Variants in PTPRZ1 observed in about 807,000 individuals in gnomAD.
The protein encoded by PTPRZ1 is receptor-type tyrosine-protein phosphatase zeta.
A neutral mutation model predicts 214.1 loss-of-function variants in PTPRZ1; 82 were observed. That is an observed-to-expected ratio of 0.38 (90% CI 0.32 to 0.46). The LOEUF is 0.46. Among genes scored for constraint, PTPRZ1 ranks in the 20% least tolerant of loss-of-function variants. The pLI, the probability that PTPRZ1 is intolerant of heterozygous loss-of-function variation, is 1.00. For missense variants in PTPRZ1, 2,603 were observed against 2,748.7 expected (o/e 0.95, Z 1.19); for synonymous variants, 945 against 987.9 (o/e 0.96, Z 0.81).
intron 12 of PTPRZ1, among the ~76,000 whole-genome samples, chr7:122,015,425 C>T (rs1054709406): frequency 3.3e-5 from 5 of 152,006 alleles, no homozygotes; most frequent in African/African-American, 1.2e-4. Context: ...AAAGTTTGTA[C>T]ATTTTGATAG....
At chr7:121,944,938 G>A (rs533811059) in intron 2 of PTPRZ1, among the ~76,000 whole-genome samples, 4 of 152,162 alleles carry the variant, frequency 2.6e-5, no homozygotes, top group South Asian at 2.1e-4. Context: ...CACCATACCC[G>A]GCCCAGATTA....
At chr7:121,925,370 T>TAA (rs1795723075) in intron 1 of PTPRZ1, among the ~76,000 whole-genome samples, 1 of 152,204 alleles carries the variant, frequency 6.6e-6, no homozygotes, top group African/African-American at 2.4e-5. Context: ...ATTGTGAGCC[T>TAA]AAGATTTCAT....
Position 122,012,287 on chromosome 7 carries a change from T to G in PTPRZ1, c.3241T>G (p.Leu1081Val). ...CAACATGTATGATAATGTAAATAAG[T>G]TGAATGCGTCTTTACAAGAAACCTC... is the stretch of plus-strand genomic sequence containing the variant. Reference protein sequence around the residue: ...MPNMYDNVNKLNASLQETSVS... With the variant: ...MPNMYDNVNKVNASLQETSVS... The change falls in exon 12 of 30, where the codon TTG (leucine) becomes GTG (valine). Residue 1081 changes from leucine to valine, a missense_variant. By Grantham distance (32) the Leu-to-Val change is conservative. This residue lies in a region of PTPRZ1 where 1,913 missense variants were observed against 1,914.3 expected (regional missense o/e 1.00). Transcript: ENST00000393386. 2.5e-6 allele frequency: 4 copies of G among 1,614,182 alleles called. No homozygotes were observed. The highest frequency in any genetic ancestry group is 3.4e-6 in the Non-Finnish European group (4 of 1,180,022).
rs56259188 is a variant in PTPRZ1 at position 122,009,457 on chromosome 7, TAA to T, written c.1288-862_1288-861del. ...TGACAAAATCATGTCCCACATGAAC[TAA>T]AAAAAAAAAAAAAACTTGATAACTT... On this transcript the variant is annotated intron_variant, in intron 11 of 29. Coordinates refer to ENST00000393386, the MANE Select transcript of PTPRZ1 (RefSeq NM_002851.3). Among the ~76,000 whole-genome samples the T allele has an allele frequency of 4.1e-3, 578 of 141,942 alleles. 3 individuals carry two copies. Among genetic ancestry groups the T allele is most frequent in the Middle Eastern group, 0.014 (4 of 278 alleles). 93.1% of individuals were successfully genotyped at this position (141,942 alleles called of 152,430 possible).
At chr7:121,902,257 A>G (rs554110382) in intron 1 of PTPRZ1, among the ~76,000 whole-genome samples, 4 of 152,324 alleles carry the variant, frequency 2.6e-5, no homozygotes, top group African/African-American at 9.6e-5. Context: ...CCATTGATGG[A>G]CACTTAGATT....
intron 1 of PTPRZ1, chr7:121,908,414 TTTTCTC>T (rs1306297238): frequency 5.2e-6 from 2 of 381,648 alleles, no homozygotes; most frequent in African/African-American, 4.3e-5. Context: ...TTATCCTATT[TTTTCTC>T]TTTCTTTTAA....
At chr7:121,928,097 T>C in intron 1 of PTPRZ1, 59 bp from the exon 2 acceptor site, 2 of 1,256,302 alleles carry the variant, frequency 1.6e-6, no homozygotes, top group East Asian at 2.3e-5. Context: ...TTTGGGCATC[T>C]TTTATTTTTG....
intron 2 of PTPRZ1, among the ~76,000 whole-genome samples, chr7:121,950,139 G>A (rs1314449350): frequency 1.3e-5 from 2 of 152,096 alleles, no homozygotes; most frequent in Admixed American, 1.3e-4. Context: ...GATGGTGGCA[G>A]GCAAAAAATG....
chr7:121,892,342 C>T lies in PTPRZ1; in HGVS notation c.58+18785C>T, dbSNP rs368710149. The stretch of plus-strand genomic sequence containing the variant: ...GCATTTAGTGTTACTGAGAAAAGAA[C>T]GGAAAGTTCCACCTCAAGGTCACTT... On this transcript the variant is annotated intron_variant, in intron 1 of 29. Coordinates refer to ENST00000393386, the MANE Select transcript of PTPRZ1 (RefSeq NM_002851.3). Among the ~76,000 whole-genome samples, 32 of 151,924 alleles carry T rather than the reference C, an allele frequency of 2.1e-4. 1 individual carries two copies. Among genetic ancestry groups the T allele is most frequent in the Middle Eastern group, 6.8e-3 (2 of 294 alleles).
chr7:121,953,209 T>C (rs997756661), intron 2 of PTPRZ1, among the ~76,000 whole-genome samples: 2 of 152,232 alleles, frequency 1.3e-5, no homozygotes, highest in Non-Finnish European at 2.9e-5. Context: ...GGTATTAATT[T>C]TTCATCTATT....
At chr7:121,988,890 A>ATTATT in intron 8 of PTPRZ1, among the ~76,000 whole-genome samples, 1 of 152,212 alleles carries the variant, frequency 6.6e-6, no homozygotes, top group Admixed American at 6.5e-5. Flanking sequence ...AGAATACAGT[A>ATTATT]CAGTAGGATT....
chr7:121,875,366 A>C (rs1437179218), intron 1 of PTPRZ1, among the ~76,000 whole-genome samples: 1 of 152,218 alleles, frequency 6.6e-6, no homozygotes, highest in African/African-American at 2.4e-5. Context: ...TCCATGTTAT[A>C]GTATGTATAA....
intron 2 of PTPRZ1, among the ~76,000 whole-genome samples, chr7:121,960,229 T>G (rs1796834993): frequency 6.6e-6 from 1 of 152,070 alleles, no homozygotes. Context: ...TTAGTACAGA[T>G]GGGGTTTCAC....
chr7:121,921,119 A>G (rs1253900169), intron 1 of PTPRZ1, among the ~76,000 whole-genome samples: 1 of 152,004 alleles, frequency 6.6e-6, no homozygotes, highest in Non-Finnish European at 1.5e-5. Context: ...ATTATGTCAT[A>G]AAGATCAAAA....
chr7:121,891,848 T>C (rs1479799403), intron 1 of PTPRZ1, among the ~76,000 whole-genome samples: 1 of 152,134 alleles, frequency 6.6e-6, no homozygotes, highest in African/African-American at 2.4e-5. Flanking sequence ...TTTTCTGTCA[T>C]TGTCAAAAGT....
chr7:121,974,575 C>T lies in PTPRZ1; in HGVS notation c.457-1598C>T, dbSNP rs574233042. On this transcript the variant is annotated intron_variant, in intron 4 of 29. Transcript: ENST00000393386. ...TGATCTCGGCTCACTGCAACCTCCA[C>T]CTCCTGTGTTCAAGCAATTCTCCTG... Among the ~76,000 whole-genome samples the T allele has an allele frequency of 1.6e-4, 25 of 152,322 alleles. No individual in the cohort carries two copies. The South Asian group carries it at 4.3e-3, about 26-fold the overall frequency.
intron 2 of PTPRZ1, among the ~76,000 whole-genome samples, chr7:121,956,040 G>C (rs560490848): frequency 2.0e-4 from 30 of 152,004 alleles, no homozygotes; most frequent in African/African-American, 6.5e-4. Context: ...TTAGAGATGG[G>C]GGTGGTGGGG....
At chr7:121,950,408 A>C (rs1049807659) in intron 2 of PTPRZ1, among the ~76,000 whole-genome samples, 6 of 152,210 alleles carry the variant, frequency 3.9e-5, no homozygotes, top group Non-Finnish European at 8.8e-5. Context: ...GATAATCAGA[A>C]TTCAACATAC....
chr7:121,963,741 C>A (rs2116496846), intron 2 of PTPRZ1, among the ~76,000 whole-genome samples: 1 of 152,142 alleles, frequency 6.6e-6, no homozygotes, highest in African/African-American at 2.4e-5. Context: ...AATTACAATG[C>A]AAATACTGAG....
Sources: gnomAD v4.1 joint callset for allele counts (sites outside exome capture counted in the v4.1 genomes callset) on GRCh38, gnomAD v4.1.1 for gene constraint, gnomAD v4.1.1 regional missense constraint, MANE v1.5 for transcripts, NCBI Gene and HGNC (gene_info 2026-07-23, HGNC 2026-07-21) for gene names.